Variants in NLK observed in about 807,000 individuals in gnomAD.
NLK encodes the protein nemo like kinase, also known as serine/threonine-protein kinase NLK.
NLK carries 11 observed loss-of-function variants against 59.0 expected under a neutral mutation model. The observed-to-expected ratio is 0.19, with a 90% CI of 0.12 to 0.31. NLK has a LOEUF of 0.31. Among genes scored for constraint, NLK ranks in the 10% least tolerant of loss-of-function variants. The pLI, the probability that NLK is intolerant of heterozygous loss-of-function variation, is 1.00. For synonymous variants in NLK, 235 were observed against 235.9 expected (o/e 1.00, Z 0.03); for missense variants, 410 against 661.1 (o/e 0.62, Z 4.16).
chr17:28,135,118 T>C (rs1221992985), intron 3 of NLK, among the ~76,000 whole-genome samples: 1 of 152,200 alleles, frequency 6.6e-6, no homozygotes, highest in Admixed American at 6.5e-5. Flanking sequence ...TTCCTATCAG[T>C]GTGTAGTACT....
At chr17:28,188,408 G>A (rs1379295474) in intron 8 of NLK, among the ~76,000 whole-genome samples, 1 of 152,106 alleles carries the variant, frequency 6.6e-6, no homozygotes, top group Non-Finnish European at 1.5e-5. Context: ...ATGAGAACAA[G>A]AAACCATTTA....
intron 3 of NLK, among the ~76,000 whole-genome samples, chr17:28,145,473 G>C (rs925766849): frequency 6.6e-6 from 1 of 152,098 alleles, no homozygotes; most frequent in Admixed American, 6.5e-5. Flanking sequence ...GTTCCCATCT[G>C]TCAAAAATAT....
the NLK span, among the ~76,000 whole-genome samples, chr17:28,201,764 C>A: frequency 6.6e-6 from 1 of 152,064 alleles, no homozygotes; most frequent in Non-Finnish European, 1.5e-5. Context: ...ACCTGTAATC[C>A]CAGCACTTTG....
Position 28,092,803 on chromosome 17 carries a change from TTTTA to T in NLK, c.459-29789_459-29786del, listed in dbSNP as rs1273789518. 2.4e-3 allele frequency among the ~76,000 whole-genome samples: 341 copies of T among 141,398 alleles called. 2 individuals are homozygous for T. The highest frequency in any genetic ancestry group is 9.1e-3 in the African/African-American group (324 of 35,674). The allele number at this position is 141,398 out of a possible 152,430, so 92.8% of individuals were successfully genotyped here. On this transcript the variant is annotated intron_variant, in intron 1 of 10. Coordinates refer to ENST00000407008, the MANE Select transcript of NLK (RefSeq NM_016231.5). Reference sequence around the variant, plus strand: ...TTTTATTTTATTTTATTTTATTTTATTTTATTTATTTATTGAGACAGAGTCTCAC... The same window carrying T: ...TTTTATTTTATTTTATTTTATTTTATTTTATTTATTGAGACAGAGTCTCAC...
At position 28,127,183 on chromosome 17, in the gene NLK, GA is replaced by G. The variant is rs112349122; in HGVS notation, c.588+4458del. On this transcript the variant is annotated intron_variant, in intron 2 of 10. Coordinates refer to ENST00000407008, the MANE Select transcript of NLK (RefSeq NM_016231.5). Reference sequence around the variant, plus strand: ...AGTAAGTGAGTGAATGAAAGTGACAGAAAAAAAGAAATCTAAGGGCCTGGAG... The same window carrying G: ...AGTAAGTGAGTGAATGAAAGTGACAGAAAAAAGAAATCTAAGGGCCTGGAG... Among the ~76,000 whole-genome samples, 5 of 152,132 alleles carry G rather than the reference GA, an allele frequency of 3.3e-5. 1 individual carries two copies. Among genetic ancestry groups the G allele is most frequent in the African/African-American group, 1.2e-4 (5 of 41,514 alleles).
intron 8 of NLK, among the ~76,000 whole-genome samples, chr17:28,188,296 A>C (rs887603672): frequency 6.6e-6 from 1 of 152,240 alleles, no homozygotes; most frequent in Non-Finnish European, 1.5e-5. Context: ...AAAGCCGACA[A>C]GTTTGTTACT....
the NLK span, among the ~76,000 whole-genome samples, chr17:28,201,382 C>CA: frequency 7.9e-6 from 1 of 126,924 alleles, no homozygotes; most frequent in Non-Finnish European, 1.6e-5. Context: ...TGCACCTGGT[C>CA]TTTTTTTTTT....
downstream of NLK, among the ~76,000 whole-genome samples, chr17:28,200,651 T>C (rs1909605661): frequency 6.6e-6 from 1 of 152,128 alleles, no homozygotes; most frequent in Admixed American, 6.5e-5. Context: ...GCCTGGATAA[T>C]TTTTGTATTT....
At position 28,172,621 on chromosome 17, in the gene NLK, G is replaced by A; in HGVS notation, c.1149+3G>A. ...TACTCAGGGGTCCTCATAAACAGGTGAGAGGAGGGGGGAATCTTTTTCTGG... is the reference window on the plus strand; with the variant it reads ...TACTCAGGGGTCCTCATAAACAGGTAAGAGGAGGGGGGAATCTTTTTCTGG... On this transcript the variant is annotated splice_donor_region_variant and intron_variant, in intron 7 of 10. Transcript: ENST00000407008. 1 of 1,512,600 alleles carries A rather than the reference G, an allele frequency of 6.6e-7. No homozygotes were observed. Among genetic ancestry groups the A allele is most frequent in the Non-Finnish European group, 8.9e-7 (1 of 1,122,862 alleles). The allele number at this position is 1,512,600 out of a possible 1,614,324, so 93.7% of individuals were successfully genotyped here.
At chr17:28,199,405 C>T (rs1469552212), downstream of NLK, among the ~76,000 whole-genome samples, 34 of 152,014 alleles carry the variant, frequency 2.2e-4, 1 homozygote, top group Admixed American at 2.2e-3. Flanking sequence ...GTGGCTCACA[C>T]CTATAATCCC....
intron 1 of NLK, among the ~76,000 whole-genome samples, chr17:28,058,279 C>T (rs902076589): frequency 1.3e-5 from 2 of 152,182 alleles, no homozygotes; most frequent in African/African-American, 4.8e-5. Flanking sequence ...TAAATAGGGA[C>T]ACCGTAATGT....
downstream of NLK, among the ~76,000 whole-genome samples, chr17:28,199,354 T>G (rs1909561687): frequency 6.6e-6 from 1 of 151,644 alleles, no homozygotes; most frequent in Admixed American, 6.6e-5. Context: ...TCCCAGCTAT[T>G]TGGGAGGCTG....
downstream of NLK, among the ~76,000 whole-genome samples, chr17:28,199,695 CAAA>C (rs61425914): frequency 1.1e-5 from 1 of 94,862 alleles, no homozygotes; most frequent in African/African-American, 4.1e-5. Context: ...CAAAACAAAA[CAAA>C]AAAAAAAAAC....
intron 1 of NLK, among the ~76,000 whole-genome samples, chr17:28,080,981 C>A (rs1424652205): frequency 6.6e-6 from 1 of 151,872 alleles, no homozygotes; most frequent in Admixed American, 6.6e-5. Context: ...CATCAACCTC[C>A]TGGGCTCAAT....
At chr17:28,083,208 G>A (rs541644967) in intron 1 of NLK, among the ~76,000 whole-genome samples, 2 of 152,260 alleles carry the variant, frequency 1.3e-5, no homozygotes, top group South Asian at 4.1e-4. Context: ...CTGGGTATCA[G>A]GATGGGTGTC....
At chr17:28,193,822 C>G (rs1401399597) in intron 10 of NLK, among the ~76,000 whole-genome samples, 1 of 152,134 alleles carries the variant, frequency 6.6e-6, no homozygotes, top group Admixed American at 6.6e-5. Flanking sequence ...AATTAAGTTG[C>G]ACTTTTACTT....
At chr17:28,191,319 C>T (rs1271175069) in intron 9 of NLK, 100 bp downstream of exon 9, 5 of 834,074 alleles carry the variant, frequency 6.0e-6, no homozygotes, top group Non-Finnish European at 9.1e-6. Context: ...CCAAAGCTCC[C>T]CTCTATGTTT....
Position 28,174,674 on chromosome 17 carries a change from A to T in NLK, c.1149+2056A>T, listed in dbSNP as rs1597722819. On this transcript the variant is annotated intron_variant, in intron 7 of 10. Transcript: ENST00000407008. ...AATTGAATGTAAATAAACCTAGCATATTGCCTGCTTCCACTTTTCCTCCAG... is the reference window on the plus strand; with the variant it reads ...AATTGAATGTAAATAAACCTAGCATTTTGCCTGCTTCCACTTTTCCTCCAG... Among the ~76,000 whole-genome samples, 3 of 152,274 alleles carry T rather than the reference A, an allele frequency of 2.0e-5. No individual in the cohort carries two copies. In the East Asian group the frequency reaches 5.8e-4, roughly 29 times the overall value.
intron 1 of NLK, among the ~76,000 whole-genome samples, chr17:28,092,799 T>A (rs1904550419): frequency 6.8e-6 from 1 of 146,000 alleles, no homozygotes; most frequent in African/African-American, 2.7e-5. Flanking sequence ...TTTATTTTAT[T>A]TTATTTTATT....
Sources: allele counts gnomAD v4.1 joint callset (sites outside exome capture counted in the v4.1 genomes callset), GRCh38; gene constraint gnomAD v4.1.1; transcripts MANE v1.5; gene names NCBI Gene and HGNC (gene_info 2026-07-23, HGNC 2026-07-21).